The following DACH2 variants were observed in gnomAD, a reference collection of about 807,000 sequenced individuals.
DACH2 encodes dachshund homolog 2.
In DACH2, 17 loss-of-function variants were observed where a neutral mutation model predicts 35.8. The observed-to-expected ratio is 0.48, with a 90% CI of 0.33 to 0.71. The LOEUF is 0.71. Among genes scored for constraint, DACH2 ranks in the 30% least tolerant of loss-of-function variants. The pLI is 0.02. For synonymous variants in DACH2, 195 were observed against 177.3 expected (o/e 1.10, Z -0.79); for missense variants, 469 against 472.7 (o/e 0.99, Z 0.07).
chrX:86,506,256 C>T (rs1410038081), intron 2 of DACH2, among the ~76,000 whole-genome samples: 1 of 111,611 alleles, frequency 9.0e-6, no homozygotes, highest in Non-Finnish European at 1.9e-5. Context: ...GATTGTAGGG[C>T]TTATGTTGCT....
intron 2 of DACH2, among the ~76,000 whole-genome samples, chrX:86,461,901 C>T (rs368710023): frequency 1.0e-3 from 112 of 111,476 alleles, no homozygotes; most frequent in African/African-American, 3.5e-3. Context: ...TTTTTCAAAG[C>T]TTTGGTGTCT....
chrX:86,583,597 CTGTT>C (rs1217505961), intron 3 of DACH2, among the ~76,000 whole-genome samples: 1 of 107,949 alleles, frequency 9.3e-6, no homozygotes, highest in African/African-American at 3.4e-5. Context: ...TACATGTGCA[CTGTT>C]TTTTTTTAAA....
chrX:86,529,035 G>C (rs1366545916), intron 3 of DACH2, among the ~76,000 whole-genome samples: 2 of 111,496 alleles, frequency 1.8e-5, no homozygotes, highest in Non-Finnish European at 3.8e-5. Flanking sequence ...TTGAACATTA[G>C]AGCTTATTCC....
intron 7 of DACH2, among the ~76,000 whole-genome samples, chrX:86,755,039 C>G (rs755972968): frequency 1.8e-5 from 2 of 111,423 alleles, no homozygotes; most frequent in South Asian, 3.8e-4. Context: ...ATTTATATTC[C>G]CACTAACAGT....
chrX:86,283,871 T>TACACAC (rs111448832), intron 1 of DACH2, among the ~76,000 whole-genome samples: 2,163 of 102,111 alleles, frequency 0.021, 33 homozygotes, highest in African/African-American at 0.053. Flanking sequence ...TTAAAGTATA[T>TACACAC]ACACACACAC....
At chrX:86,283,411 A>G (rs1031436955) in intron 1 of DACH2, among the ~76,000 whole-genome samples, 1 of 111,219 alleles carries the variant, frequency 9.0e-6, no homozygotes, top group Non-Finnish European at 1.9e-5. Flanking sequence ...ATCATTCCAC[A>G]TAAAGACAAA....
rs760766418 is a variant in DACH2 at position 86,550,826 on chromosome X, GA to G, written c.640+36442del. 1.2e-3 allele frequency among the ~76,000 whole-genome samples: 136 copies of G among 111,578 alleles called. 1 individual carries two copies. Among genetic ancestry groups the G allele is most frequent in the Non-Finnish European group, 5.3e-4 (28 of 53,056 alleles). On this transcript the variant is annotated intron_variant, in intron 3 of 11. Coordinates refer to ENST00000373125, the MANE Select transcript of DACH2 (RefSeq NM_053281.3). ...TGTGGAAACTGTTGAGCACCATGTG[GA>G]AAAAAATGGCCTAATTGTTGTGTAC...
intron 2 of DACH2, among the ~76,000 whole-genome samples, chrX:86,506,152 A>G (rs898490877): frequency 1.8e-5 from 2 of 111,743 alleles, no homozygotes; most frequent in Middle Eastern, 4.7e-3. Flanking sequence ...GCTGAAATCA[A>G]CGTGGTAGCC....
At chrX:86,345,487 G>A (rs1314842657) in intron 1 of DACH2, 2 of 271,253 alleles carry the variant, frequency 7.4e-6, no homozygotes, top group Non-Finnish European at 1.4e-5. Flanking sequence ...GAGGGAGAAA[G>A]TTATGAGGAA....
intron 4 of DACH2, among the ~76,000 whole-genome samples, chrX:86,691,978 C>G (rs1014456718): frequency 6.3e-5 from 7 of 111,564 alleles, no homozygotes; most frequent in African/African-American, 2.3e-4. Flanking sequence ...ATAAAAAATG[C>G]AAATATTGGG....
At chrX:86,694,259 C>G (rs1487922325) in intron 4 of DACH2, among the ~76,000 whole-genome samples, 4 of 112,051 alleles carry the variant, frequency 3.6e-5, no homozygotes, top group Non-Finnish European at 7.5e-5. Flanking sequence ...GGAATCCCAC[C>G]CTTTACTCCC....
At chrX:86,689,165 CTA>C (rs1217481033) in intron 4 of DACH2, among the ~76,000 whole-genome samples, 1 of 111,757 alleles carries the variant, frequency 8.9e-6, no homozygotes, top group Non-Finnish European at 1.9e-5. Context: ...TAATTATTAT[CTA>C]TTTTCTATCC....
chrX:86,425,352 C>T (rs755841931), intron 2 of DACH2, among the ~76,000 whole-genome samples: 100 of 110,574 alleles, frequency 9.0e-4, no homozygotes, highest in African/African-American at 3.2e-3. Context: ...ACTTCAGTCT[C>T]ATTACTTATT....
intron 2 of DACH2, among the ~76,000 whole-genome samples, chrX:86,493,106 C>T (rs2038116923): frequency 1.8e-5 from 2 of 111,631 alleles, no homozygotes; most frequent in South Asian, 3.8e-4. Context: ...TGTAGCCTTG[C>T]CAGCATCAGT....
intron 5 of DACH2, among the ~76,000 whole-genome samples, chrX:86,707,829 C>T (rs1027828361): frequency 5.9e-5 from 6 of 100,980 alleles, no homozygotes; most frequent in African/African-American, 2.2e-4. Context: ...GCAGGAGAAT[C>T]GCTTGAACCA....
intron 1 of DACH2, among the ~76,000 whole-genome samples, chrX:86,321,336 G>A (rs144338298): frequency 0.018 from 1,960 of 111,640 alleles, 40 homozygotes; most frequent in African/African-American, 0.058. Context: ...TCCCAATATA[G>A]GGGGCTTTCT....
chrX:86,452,042 G>A (rs770728875), intron 2 of DACH2, among the ~76,000 whole-genome samples: 52 of 111,725 alleles, frequency 4.7e-4, no homozygotes, highest in African/African-American at 1.6e-3. Context: ...ATAAAGGGAT[G>A]TTGAATTTTA....
intron 7 of DACH2, among the ~76,000 whole-genome samples, chrX:86,786,434 G>C (rs2042138593): frequency 9.0e-6 from 1 of 111,656 alleles, no homozygotes; most frequent in Non-Finnish European, 1.9e-5. Flanking sequence ...ATATGCCTTT[G>C]TGTCATGGTT....
At chrX:86,702,963 CA>C (rs926340807) in intron 5 of DACH2, among the ~76,000 whole-genome samples, 1 of 110,354 alleles carries the variant, frequency 9.1e-6, no homozygotes, top group African/African-American at 3.3e-5. Context: ...GGCACATAAC[CA>C]AAAAAAGATA....
Sources: gnomAD v4.1 joint callset for allele counts (sites outside exome capture counted in the v4.1 genomes callset) on GRCh38, gnomAD v4.1.1 for gene constraint, MANE v1.5 for transcripts, NCBI Gene and HGNC (gene_info 2026-07-23, HGNC 2026-07-21) for gene names.